Variants in PPM1E observed in about 807,000 individuals in gnomAD.
PPM1E encodes the protein protein phosphatase, Mg2+/Mn2+ dependent 1E, also known as protein phosphatase 1E.
In PPM1E, 20 loss-of-function variants were observed where a neutral mutation model predicts 65.9. That is an observed-to-expected ratio of 0.30 (90% CI 0.21 to 0.44). The LOEUF (loss-of-function observed/expected upper bound fraction) is 0.44. Ranked by LOEUF, PPM1E falls within the 20% of genes least tolerant of loss-of-function variation. PPM1E has a pLI of 1.00. For synonymous variants in PPM1E, 352 were observed against 374.9 expected (o/e 0.94, Z 0.70); for missense variants, 713 against 953.1 (o/e 0.75, Z 3.32).
chr17:58,843,918 C>T (rs566931196), intron 1 of PPM1E, among the ~76,000 whole-genome samples: 2 of 152,114 alleles, frequency 1.3e-5, no homozygotes, highest in African/African-American at 4.8e-5. Flanking sequence ...ATGGGATCCC[C>T]TAAGCATACA....
At chr17:58,863,433 G>A (rs2050964041) in intron 1 of PPM1E, among the ~76,000 whole-genome samples, 1 of 152,232 alleles carries the variant, frequency 6.6e-6, no homozygotes, top group African/African-American at 2.4e-5. Context: ...CCCCACAGCA[G>A]GATCCAAGTG....
chr17:58,980,915 A>T lies in PPM1E; in HGVS notation c.2152A>T (p.Ser718Cys), dbSNP rs753181254. 6.2e-6 allele frequency: 10 copies of T among 1,614,206 alleles called. No homozygotes were observed. The highest frequency in any genetic ancestry group is 8.5e-6 in the Non-Finnish European group (10 of 1,180,006). The change falls in exon 7 of 7, where the codon AGT (serine) becomes TGT (cysteine). Residue 718 changes from serine (S) to cysteine (C), a missense_variant. Ser to Cys is a moderately radical substitution (Grantham distance 112). Around this residue, in one of 6 missense-constraint regions of PPM1E, gnomAD observed 286 missense variants for 313.8 expected, o/e 0.91. Transcript: ENST00000308249. This position sits in a 1 kb window ranked among gnomAD's most constrained non-coding sequence, Gnocchi z 4.7. ...TGSGKRNRIR[S>C]SLPWRQNSWK... ...AAGTGGGAAGAGAAATAGGATAAGA[A>T]GTTCTCTGCCATGGAGGCAAAATAG...
At chr17:58,949,835 G>T (rs962328791) in intron 1 of PPM1E, among the ~76,000 whole-genome samples, 19 of 152,122 alleles carry the variant, frequency 1.2e-4, no homozygotes, top group Admixed American at 2.6e-4. Flanking sequence ...GTCCAGGAAA[G>T]ATTTTATTTC....
intron 1 of PPM1E, among the ~76,000 whole-genome samples, chr17:58,787,778 G>C (rs1364924481): frequency 6.6e-6 from 1 of 151,792 alleles, no homozygotes; most frequent in Non-Finnish European, 1.5e-5. Context: ...GTGGTGGCAG[G>C]CGCCTGTAGT....
At chr17:58,928,141 A>G (rs1023492816) in intron 1 of PPM1E, among the ~76,000 whole-genome samples, 7 of 151,990 alleles carry the variant, frequency 4.6e-5, no homozygotes, top group African/African-American at 1.5e-4. Flanking sequence ...CTGAGGCAGG[A>G]GGATCACTTG....
intron 1 of PPM1E, among the ~76,000 whole-genome samples, chr17:58,933,051 C>T (rs2051923526): frequency 6.6e-6 from 1 of 152,180 alleles, no homozygotes; most frequent in Non-Finnish European, 1.5e-5. Context: ...TCTCTAGGAA[C>T]AATAGGCTGT....
Position 58,805,956 on chromosome 17 carries a change from AAAAAC to A in PPM1E, c.464+49500_464+49504del, listed in dbSNP as rs1567838715. Reference sequence around the variant, plus strand: ...AGGTTCAGGCTGTTCTGCTAAAAAAAAAAACAAAAAAAAAAAACAAAAAAAAAACA... The same window carrying A: ...AGGTTCAGGCTGTTCTGCTAAAAAAAAAAAAAAAAAAACAAAAAAAAAACA... On this transcript the variant is annotated intron_variant, in intron 1 of 6. Coordinates refer to ENST00000308249, the MANE Select transcript of PPM1E (RefSeq NM_014906.5). Among the ~76,000 whole-genome samples, 31 of 101,994 alleles carry A rather than the reference AAAAAC, an allele frequency of 3.0e-4. No individual in the cohort carries two copies. In the East Asian group the frequency reaches 5.3e-3, roughly 17 times the overall value. The allele number at this position is 101,994 out of a possible 152,430, so 66.9% of individuals were successfully genotyped here.
At chr17:58,894,006 C>T (rs1158275704) in intron 1 of PPM1E, among the ~76,000 whole-genome samples, 2 of 152,030 alleles carry the variant, frequency 1.3e-5, no homozygotes, top group Non-Finnish European at 2.9e-5. Context: ...CTCAAGAGTT[C>T]AAGTTGCAGT....
intron 1 of PPM1E, among the ~76,000 whole-genome samples, chr17:58,783,788 A>T (rs1446290935): frequency 6.6e-6 from 1 of 151,748 alleles, no homozygotes; most frequent in African/African-American, 2.4e-5. Context: ...GCCCACTGCA[A>T]CCTCCTACCC....
chr17:58,933,037 A>G (rs1303920540), intron 1 of PPM1E, among the ~76,000 whole-genome samples: 2 of 152,202 alleles, frequency 1.3e-5, no homozygotes, highest in Admixed American at 6.5e-5. Flanking sequence ...ACTGTGCACT[A>G]TTGTCTCTAG....
intron 1 of PPM1E, among the ~76,000 whole-genome samples, chr17:58,794,768 A>G (rs2050189908): frequency 2.0e-5 from 3 of 152,036 alleles, no homozygotes. Context: ...GCTGCATAGT[A>G]TTCCATAGTG....
chr17:58,973,658 C>CA (rs895999646), intron 6 of PPM1E, among the ~76,000 whole-genome samples: 25 of 149,388 alleles, frequency 1.7e-4, no homozygotes, highest in African/African-American at 5.4e-4. Flanking sequence ...AAACAAAAAA[C>CA]AAAAAAAACA....
intron 1 of PPM1E, among the ~76,000 whole-genome samples, chr17:58,860,804 C>T (rs1598614856): frequency 6.6e-6 from 1 of 152,080 alleles, no homozygotes; most frequent in South Asian, 2.1e-4. Flanking sequence ...ATTAGCCGGG[C>T]ATGGTGCACA....
At chr17:58,786,745 G>A (rs1352506232) in intron 1 of PPM1E, among the ~76,000 whole-genome samples, 1 of 152,088 alleles carries the variant, frequency 6.6e-6, no homozygotes, top group Non-Finnish European at 1.5e-5. Context: ...TTCTGCCACC[G>A]TTACACAACT....
chr17:58,762,714 G>A (rs552194239), intron 1 of PPM1E, among the ~76,000 whole-genome samples: 2 of 152,000 alleles, frequency 1.3e-5, no homozygotes, highest in East Asian at 1.9e-4. Context: ...CGGCTAAAAC[G>A]GTGAAACCTC....
chr17:58,924,530 AAC>A (rs2051798843), intron 1 of PPM1E, among the ~76,000 whole-genome samples: 1 of 152,118 alleles, frequency 6.6e-6, no homozygotes, highest in Non-Finnish European at 1.5e-5. Flanking sequence ...TAACCTGGGC[AAC>A]AGAGTTTAGT....
chr17:58,826,604 T>G (rs1266324463), intron 1 of PPM1E, among the ~76,000 whole-genome samples: 1 of 152,120 alleles, frequency 6.6e-6, no homozygotes, highest in African/African-American at 2.4e-5. Flanking sequence ...CTTACTATTT[T>G]TAATGTACAA....
chr17:58,911,603 C>A (rs987598286), intron 1 of PPM1E, among the ~76,000 whole-genome samples: 8 of 152,064 alleles, frequency 5.3e-5, no homozygotes, highest in Non-Finnish European at 1.0e-4. Context: ...AGGTTTATTT[C>A]TTTGGTTTAT....
At position 58,755,939 on chromosome 17, in the gene PPM1E, T is replaced by C; in HGVS notation, c.-59T>C. ...GAGCCCTAGGCTCAAAAGCAGCCCC[T>C]TACCCTTCCTGGGCTTCCCCCAACC... On this transcript the variant is annotated 5_prime_UTR_variant, in exon 1 of 7. Transcript: ENST00000308249. 6.2e-7 allele frequency: 1 copy of C among 1,608,494 alleles called. No homozygotes were observed. The highest frequency in any genetic ancestry group is 8.5e-7 in the Non-Finnish European group (1 of 1,177,228).
Sources: allele counts gnomAD v4.1 joint callset (sites outside exome capture counted in the v4.1 genomes callset), GRCh38; gene constraint gnomAD v4.1.1; regional missense constraint gnomAD v4.1.1; non-coding constraint Gnocchi (gnomAD v3.1); transcripts MANE v1.5; gene names NCBI Gene and HGNC (gene_info 2026-07-23, HGNC 2026-07-21).